The following NEK7 variants were observed in gnomAD, a reference collection of about 807,000 sequenced individuals.
NEK7 encodes the protein NIMA related kinase 7.
A neutral mutation model predicts 44.6 loss-of-function variants in NEK7; 18 were observed. The ratio of observed to expected loss-of-function variants is 0.40; its 90% CI spans 0.28 to 0.60. The LOEUF (loss-of-function observed/expected upper bound fraction) is 0.60. Among genes scored for constraint, NEK7 ranks in the 20% least tolerant of loss-of-function variants. NEK7 has a pLI of 0.38. For missense variants in NEK7, 256 were observed against 366.5 expected (o/e 0.70, Z 2.46); for synonymous variants, 130 against 121.1 (o/e 1.07, Z -0.48).
In NEK7 at chr1:198,231,301, GTATATA is replaced by G. The variant is rs749263549; in HGVS notation, c.-28-1221_-28-1216del. Among the ~76,000 whole-genome samples, 189 of 86,944 alleles carry G rather than the reference GTATATA, an allele frequency of 2.2e-3. 2 individuals carry two copies. Among genetic ancestry groups the G allele is most frequent in the East Asian group, 7.9e-3 (14 of 1,770 alleles). 57.0% of individuals were successfully genotyped at this position (86,944 alleles called of 152,430 possible). A position where few individuals can be genotyped will look rare whatever the true frequency, so the allele number is the denominator to read the frequency against. On this transcript the variant is annotated intron_variant, in intron 1 of 9. Transcript: ENST00000367385. ...TGTGTATATACGTGTATGTGTGTGTGTATATATATATATATATATATATATATATAT... is the reference window on the plus strand; with the variant it reads ...TGTGTATATACGTGTATGTGTGTGTGTATATATATATATATATATATATAT...
At chr1:198,217,709 T>C (rs1395076790) in intron 1 of NEK7, among the ~76,000 whole-genome samples, 1 of 151,682 alleles carries the variant, frequency 6.6e-6, no homozygotes, top group East Asian at 1.9e-4. Flanking sequence ...TCCAAAACAC[T>C]CCTAGATCTA....
intron 1 of NEK7, among the ~76,000 whole-genome samples, chr1:198,213,585 C>G (rs1571537861): frequency 6.6e-6 from 1 of 152,160 alleles, no homozygotes; most frequent in African/African-American, 2.4e-5. Flanking sequence ...GAGTCACAAC[C>G]CCTCTCTACA....
rs531601349 is a variant in NEK7, at chr1:198,309,674, A to G, written c.799-9738A>G. Among the ~76,000 whole-genome samples, 317 of 147,504 alleles carry G rather than the reference A, an allele frequency of 2.1e-3. 1 individual carries two copies. The highest frequency in any genetic ancestry group is 7.8e-3 in the African/African-American group (309 of 39,584). On this transcript the variant is annotated intron_variant, in intron 9 of 9. Coordinates refer to ENST00000367385, the MANE Select transcript of NEK7 (RefSeq NM_133494.3). The stretch of plus-strand genomic sequence containing the variant: ...TGTTCTCATTGTTCAATTCCCACCT[A>G]TGAGTGAGAATATGCGGTGTTTGGT...
At chr1:198,189,784 A>G (rs1200192706) in intron 1 of NEK7, among the ~76,000 whole-genome samples, 1 of 152,144 alleles carries the variant, frequency 6.6e-6, no homozygotes, top group Non-Finnish European at 1.5e-5. Flanking sequence ...TCAAGTGATA[A>G]ACTTTAAAAA....
chr1:198,235,638 G>A (rs1666526773), intron 2 of NEK7, among the ~76,000 whole-genome samples: 1 of 152,132 alleles, frequency 6.6e-6, no homozygotes, highest in Non-Finnish European at 1.5e-5. Flanking sequence ...CATTTTGTGA[G>A]TATTTTGATT....
chr1:198,187,260 G>T (rs1242659682), intron 1 of NEK7, among the ~76,000 whole-genome samples: 1 of 152,142 alleles, frequency 6.6e-6, no homozygotes, highest in Non-Finnish European at 1.5e-5. Flanking sequence ...CTTTTGGTAG[G>T]TGGGGACTGC....
At chr1:198,213,673 A>G (rs567854220) in intron 1 of NEK7, among the ~76,000 whole-genome samples, 16 of 152,278 alleles carry the variant, frequency 1.1e-4, no homozygotes, top group African/African-American at 3.6e-4. Context: ...TAGGAGTGTT[A>G]CTGGGAGGTG....
chr1:198,280,795 CATT>C (rs947131596), intron 7 of NEK7, among the ~76,000 whole-genome samples: 1 of 148,592 alleles, frequency 6.7e-6, no homozygotes, highest in African/African-American at 2.5e-5. Context: ...TATATATACA[CATT>C]ATAAATAAAC....
At position 198,253,159 on chromosome 1, in the gene NEK7, A is replaced by G; in HGVS notation, c.177A>G (p.Pro59=). 1 of 1,605,952 alleles carries G rather than the reference A, an allele frequency of 6.2e-7. No individual in the cohort carries two copies. Among genetic ancestry groups the G allele is most frequent in the East Asian group, 2.2e-5 (1 of 44,760 alleles). Reference sequence around the variant, plus strand: ...CAGCCTGTCTCTTGGATGGAGTACCAGTAGCTTTAAAAAAAGTGCAGGTAA... The same window carrying G: ...CAGCCTGTCTCTTGGATGGAGTACCGGTAGCTTTAAAAAAAGTGCAGGTAA... ...YRAACLLDGV[P]VALKKVQIFD... is the part of the protein sequence containing the mutation. The change falls in exon 3 of 10, where the codon CCA becomes CCG. Residue 59 remains proline, a synonymous_variant. Transcript: ENST00000367385.
chr1:198,295,197 A>G (rs1215873531), intron 8 of NEK7, among the ~76,000 whole-genome samples: 1 of 152,112 alleles, frequency 6.6e-6, no homozygotes, highest in African/African-American at 2.4e-5. Context: ...TTACATGGAA[A>G]AGTAGGTTTT....
rs1305462480 is a variant in NEK7 at position 198,157,084 on chromosome 1, C to T, written c.-221C>T. 6.6e-6 allele frequency: 1 copy of T among 151,966 alleles called. No homozygotes were observed. The highest frequency in any genetic ancestry group is 2.4e-5 in the African/African-American group (1 of 41,408). The allele number at this position is 151,966 out of a possible 1,614,324, so 9.4% of individuals were successfully genotyped here. On this transcript the variant is annotated 5_prime_UTR_variant, in exon 1 of 10. Coordinates refer to ENST00000367385, the MANE Select transcript of NEK7 (RefSeq NM_133494.3). The stretch of plus-strand genomic sequence containing the variant: ...CTAGGCTCGCACTCCGGACGCGCCT[C>T]GCAGTGCGCAGGGTGGGTGCCCCGC...
chr1:198,247,320 A>G (rs1178440678), intron 2 of NEK7, among the ~76,000 whole-genome samples: 1 of 151,994 alleles, frequency 6.6e-6, no homozygotes, highest in African/African-American at 2.4e-5. Context: ...GTGGATCATC[A>G]TGTAGGGTCC....
intron 8 of NEK7, among the ~76,000 whole-genome samples, chr1:198,294,474 C>T (rs1654653651): frequency 6.6e-6 from 1 of 152,056 alleles, no homozygotes; most frequent in Admixed American, 6.5e-5. Context: ...ATCAAAGCAA[C>T]ATATTCTCTT....
chr1:198,197,767 C>T (rs1426281287), intron 1 of NEK7: 3 of 690,374 alleles, frequency 4.3e-6, no homozygotes, highest in Non-Finnish European at 8.1e-6. Context: ...GGGTAAGGTC[C>T]AGGGCCTGTA....
chr1:198,262,031 A>G (rs1246732086), intron 3 of NEK7, among the ~76,000 whole-genome samples: 1 of 151,894 alleles, frequency 6.6e-6, no homozygotes, highest in East Asian at 1.9e-4. Flanking sequence ...CTTGTCAAGA[A>G]TGCATGCATC....
At chr1:198,265,017 C>T (rs1038339979) in intron 5 of NEK7, among the ~76,000 whole-genome samples, 3 of 152,054 alleles carry the variant, frequency 2.0e-5, no homozygotes, top group Non-Finnish European at 4.4e-5. Flanking sequence ...GTTATTATTT[C>T]TCTGTCACAT....
chr1:198,224,759 A>G (rs1172316529), intron 1 of NEK7, among the ~76,000 whole-genome samples: 1 of 152,186 alleles, frequency 6.6e-6, no homozygotes, highest in Non-Finnish European at 1.5e-5. Context: ...ATATGTGGAT[A>G]TAACCCACAC....
chr1:198,185,387 T>A (rs1664891444), intron 1 of NEK7, among the ~76,000 whole-genome samples: 1 of 151,910 alleles, frequency 6.6e-6, no homozygotes, highest in South Asian at 2.1e-4. Flanking sequence ...TGAAATTGCG[T>A]AAGAAATATA....
intron 4 of NEK7, 36 bp downstream of exon 4, chr1:198,262,673 A>T: frequency 7.8e-7 from 1 of 1,278,782 alleles, no homozygotes; most frequent in African/African-American, 1.5e-5. Context: ...TGAACATAAC[A>T]TGGTGATAAA....
Sources: gnomAD v4.1 joint callset for allele counts (sites outside exome capture counted in the v4.1 genomes callset) on GRCh38, gnomAD v4.1.1 for gene constraint, MANE v1.5 for transcripts, NCBI Gene and HGNC (gene_info 2026-07-23, HGNC 2026-07-21) for gene names.